Variants in BBS4 observed in about 807,000 individuals in gnomAD.
BBS4 encodes BBSome complex member BBS4.
Under a neutral mutation model 71.4 loss-of-function variants are expected in BBS4, and 58 were observed. That is an observed-to-expected ratio of 0.81 (90% CI 0.66 to 1.01). BBS4 has a LOEUF of 1.01. BBS4 is among the 50% of genes least tolerant of loss of function. BBS4 has a pLI of 0.00. For missense variants in BBS4, 660 were observed against 607.9 expected (o/e 1.09, Z -0.90); for synonymous variants, 228 against 216.8 (o/e 1.05, Z -0.46).
Position 72,737,934 on chromosome 15 carries a change from C to T in BBS4, c.*347C>T, listed in dbSNP as rs1288868754. On this transcript the variant is annotated 3_prime_UTR_variant, in exon 16 of 16. Transcript: ENST00000268057. The stretch of plus-strand genomic sequence containing the variant: ...TTCTCTCCTAGCTGACTGACTCCTT[C>T]CTTAGTTCAAGGAACAGCTGAGACA... 1 of 456,070 alleles carries T rather than the reference C, an allele frequency of 2.2e-6. No individual in the cohort carries two copies. Among genetic ancestry groups the T allele is most frequent in the East Asian group, 6.9e-5 (1 of 14,536 alleles). 28.3% of individuals were successfully genotyped at this position (456,070 alleles called of 1,614,324 possible). A position where few individuals can be genotyped will look rare whatever the true frequency, so the allele number is the denominator to read the frequency against.
At chr15:72,701,194 G>A (rs1027802887) in intron 2 of BBS4, among the ~76,000 whole-genome samples, 2 of 152,096 alleles carry the variant, frequency 1.3e-5, no homozygotes, top group Non-Finnish European at 2.9e-5. Context: ...GCCTGCTTTT[G>A]AATTTAATGT....
rs555070303 is a variant in BBS4 at position 72,722,552 on chromosome 15, A to G, written c.406-242A>G. 1.4e-4 allele frequency among the ~76,000 whole-genome samples: 21 copies of G among 152,384 alleles called. No homozygotes were observed. In the South Asian group the frequency reaches 4.3e-3, roughly 32 times the overall value. ...GGGTATGTGCCCCAGGGTTCCCCAT[A>G]GATCCAGGAAGATCACCTGTTTATT... On this transcript the variant is annotated intron_variant, in intron 6 of 15. Transcript: ENST00000268057.
At chr15:72,727,678 A>G (rs1308467780) in intron 8 of BBS4, among the ~76,000 whole-genome samples, 3 of 152,156 alleles carry the variant, frequency 2.0e-5, no homozygotes, top group Non-Finnish European at 2.9e-5. Flanking sequence ...AAAACATTCT[A>G]TAGGTTCTTT....
At chr15:72,695,459 T>G (rs1450148749) in intron 2 of BBS4, among the ~76,000 whole-genome samples, 1 of 152,042 alleles carries the variant, frequency 6.6e-6, no homozygotes. Context: ...GGCTAACTTT[T>G]GTGTTTTAGT....
At chr15:72,698,591 T>C (rs1049559382) in intron 2 of BBS4, among the ~76,000 whole-genome samples, 1 of 152,226 alleles carries the variant, frequency 6.6e-6, no homozygotes, top group African/African-American at 2.4e-5. Flanking sequence ...TGAATAATAT[T>C]CTAGTGTATG....
chr15:72,697,944 A>G (rs770223917), intron 2 of BBS4: 1 of 455,738 alleles, frequency 2.2e-6, no homozygotes, highest in East Asian at 6.9e-5. Context: ...AATATGCTAC[A>G]TGAGGCTACT....
Position 72,716,830 on chromosome 15 carries a change from AAACTC to A in BBS4, c.389_393del (p.Leu130ProfsTer9). ...CATTGAAGTATATAATGAAGCAGCT[AAACTC>A]AACCAGAAAGATTGGGTAAGTAGAG... On this transcript the variant is annotated frameshift_variant, in exon 6 of 16. Transcript: ENST00000268057. LOFTEE classifies it high-confidence loss of function. 6.2e-7 allele frequency: 1 copy of A among 1,610,434 alleles called. No homozygotes were observed. The highest frequency in any genetic ancestry group is 8.5e-7 in the Non-Finnish European group (1 of 1,178,186).
At chr15:72,695,251 T>A in intron 2 of BBS4, 23 bp downstream of exon 2, 1 of 1,465,838 alleles carries the variant, frequency 6.8e-7, no homozygotes, top group East Asian at 2.3e-5. Context: ...TTTCATGGTA[T>A]GTGTATGTTT....
chr15:72,727,798 C>T (rs900823607), intron 8 of BBS4, 142 bp from the exon 9 acceptor site: 17 of 698,498 alleles, frequency 2.4e-5, no homozygotes, highest in Non-Finnish European at 4.4e-5. Context: ...ATGGCAATTC[C>T]CAAATTGCCT....
intron 2 of BBS4, among the ~76,000 whole-genome samples, chr15:72,707,407 G>A (rs1225424602): frequency 6.6e-6 from 1 of 151,762 alleles, no homozygotes; most frequent in Non-Finnish European, 1.5e-5. Flanking sequence ...TCAAACTCCT[G>A]GACTCAAATG....
At chr15:72,722,557 C>T (rs573628897) in intron 6 of BBS4, among the ~76,000 whole-genome samples, 2 of 152,332 alleles carry the variant, frequency 1.3e-5, no homozygotes, top group Admixed American at 1.3e-4. Context: ...CCCATAGATC[C>T]AGGAAGATCA....
chr15:72,735,697 C>T (rs1595952855), intron 13 of BBS4, 128 bp from the exon 14 acceptor site: 1 of 1,196,902 alleles, frequency 8.4e-7, no homozygotes. Context: ...ACGTATGTAC[C>T]TACCTTGCTG....
At chr15:72,694,085 A>G (rs1040463783) in intron 1 of BBS4, among the ~76,000 whole-genome samples, 3 of 151,166 alleles carry the variant, frequency 2.0e-5, no homozygotes, top group African/African-American at 7.3e-5. Context: ...GGGCTTCACC[A>G]TGTTGGCCAG....
chr15:72,693,301 ATTAT>A (rs751715117), intron 1 of BBS4, among the ~76,000 whole-genome samples: 29 of 152,264 alleles, frequency 1.9e-4, no homozygotes, highest in Middle Eastern at 6.8e-3. Context: ...TTGTTCTGGG[ATTAT>A]TTTTCTTTTT....
chr15:72,686,921 A>G lies in BBS4; in HGVS notation c.24+670A>G, dbSNP rs1406357876. ...CCTGTTCTGTCCATTTGTTAGAATG[A>G]TTTTAGGTATTCGGAATTTATTGTC... On this transcript the variant is annotated intron_variant, in intron 1 of 15. Transcript: ENST00000268057. The G allele has an allele frequency of 4.2e-5, 10 of 237,838 alleles. No individual in the cohort carries two copies. The East Asian group carries it at 7.4e-4, about 18-fold the overall frequency. 14.7% of individuals were successfully genotyped at this position (237,838 alleles called of 1,614,324 possible). A position where few individuals can be genotyped will look rare whatever the true frequency, so the allele number is the denominator to read the frequency against.
chr15:72,728,030 T>C, intron 9 of BBS4, 36 bp downstream of exon 9: 1 of 1,516,322 alleles, frequency 6.6e-7, no homozygotes, highest in Non-Finnish European at 9.2e-7. Flanking sequence ...TGCACTGATG[T>C]TAGAAATGGT....
rs549275028 is a variant in BBS4, at chr15:72,707,228, G to C, written c.77-2472G>C. On this transcript the variant is annotated intron_variant, in intron 2 of 15. Transcript: ENST00000268057. ...GAATCTTGCTCTTTGGCCGAGGCTG[G>C]AGTACAGTGTCATGATCTTGGCTCA... 2.0e-5 allele frequency among the ~76,000 whole-genome samples: 3 copies of C among 148,666 alleles called. No individual in the cohort carries two copies. In the South Asian group the frequency reaches 6.4e-4, roughly 32 times the overall value.
In BBS4 at chr15:72,695,183, C is replaced by G. The variant is rs1040144478; in HGVS notation, c.31C>G (p.Gln11Glu). 5 of 1,606,524 alleles carry G rather than the reference C, an allele frequency of 3.1e-6. No individual in the cohort carries two copies. The highest frequency in any genetic ancestry group is 3.4e-6 in the Non-Finnish European group (4 of 1,173,730). MAEERVATRT[Q>E]FPVSTESQKP... ...ACTACTTATTTCATTTCAGAGAACT[C>G]AATTTCCTGTATCTACTGAGTCTCA... Residue 11 changes from glutamine to glutamate, a missense_variant, in exon 2 of 16, where the codon CAA becomes GAA. Coordinates refer to ENST00000268057, the MANE Select transcript of BBS4 (RefSeq NM_033028.5).
intron 3 of BBS4, among the ~76,000 whole-genome samples, chr15:72,711,601 G>A (rs1007894938): frequency 1.3e-5 from 2 of 152,026 alleles, no homozygotes; most frequent in Non-Finnish European, 2.9e-5. Flanking sequence ...GGGTTTGTAG[G>A]CCACATACAG....
Sources: gnomAD v4.1 joint callset for allele counts (sites outside exome capture counted in the v4.1 genomes callset) on GRCh38, gnomAD v4.1.1 for gene constraint, MANE v1.5 for transcripts, NCBI Gene and HGNC (gene_info 2026-07-23, HGNC 2026-07-21) for gene names.